Variants in TAFA2 observed in about 807,000 individuals in gnomAD.
TAFA2 encodes TAFA chemokine like family member 2, also known as chemokine-like protein TAFA-2.
A neutral mutation model predicts 18.8 loss-of-function variants in TAFA2; 7 were observed. The ratio of observed to expected loss-of-function variants is 0.37; its 90% CI spans 0.21 to 0.70. The LOEUF is 0.70. Among genes scored for constraint, TAFA2 ranks in the 30% least tolerant of loss-of-function variants. The pLI is 0.53. For synonymous variants in TAFA2, 60 were observed against 54.2 expected (o/e 1.11, Z -0.47); for missense variants, 122 against 158.1 (o/e 0.77, Z 1.23).
At chr12:61,994,441 C>G (rs942734342) in intron 1 of TAFA2, among the ~76,000 whole-genome samples, 1 of 152,302 alleles carries the variant, frequency 6.6e-6, no homozygotes, top group Middle Eastern at 3.4e-3. Flanking sequence ...CTCTCACCCT[C>G]TCCTGAGTAA....
intron 1 of TAFA2, among the ~76,000 whole-genome samples, chr12:62,156,255 A>C (rs764763712): frequency 5.3e-5 from 8 of 152,168 alleles, no homozygotes; most frequent in Non-Finnish European, 8.8e-5. Flanking sequence ...ATACCACCTT[A>C]CTCCTGCAAG....
chr12:62,042,428 T>TGTGTGTGTGC (rs1411586257), intron 1 of TAFA2, among the ~76,000 whole-genome samples: 420 of 74,430 alleles, frequency 5.6e-3, no homozygotes, highest in African/African-American at 0.018. Flanking sequence ...TGTGTGTGTG[T>TGTGTGTGTGC]GCGCGTGTGT....
chr12:61,896,635 C>G (rs1041384070), intron 1 of TAFA2, among the ~76,000 whole-genome samples: 1 of 152,160 alleles, frequency 6.6e-6, no homozygotes. Flanking sequence ...TTTGCCTGTA[C>G]CTTACATGTG....
intron 4 of TAFA2, among the ~76,000 whole-genome samples, chr12:61,739,107 C>A (rs1565757144): frequency 6.6e-6 from 1 of 152,042 alleles, no homozygotes. Flanking sequence ...TTATTGTCAT[C>A]ATCTCCCAGA....
chr12:62,073,120 G>T (rs11174295), intron 1 of TAFA2, among the ~76,000 whole-genome samples: 24,353 of 152,150 alleles, frequency 0.16, 2,140 homozygotes, highest in East Asian at 0.3. Flanking sequence ...CCAGTTTATA[G>T]TATCATGGAA....
At chr12:62,011,594 A>G (rs1243584110) in intron 1 of TAFA2, among the ~76,000 whole-genome samples, 2 of 152,108 alleles carry the variant, frequency 1.3e-5, no homozygotes, top group African/African-American at 4.8e-5. Flanking sequence ...TCAAGTACCC[A>G]GGGACACAAA....
chr12:62,028,451 G>C (rs1372414503), intron 1 of TAFA2, among the ~76,000 whole-genome samples: 1 of 152,092 alleles, frequency 6.6e-6, no homozygotes, highest in Non-Finnish European at 1.5e-5. Flanking sequence ...TTTCTCTAAG[G>C]CTCAAAGCAG....
chr12:62,051,663 G>T (rs1882057303), intron 1 of TAFA2, among the ~76,000 whole-genome samples: 2 of 151,674 alleles, frequency 1.3e-5, no homozygotes, highest in African/African-American at 4.8e-5. Flanking sequence ...CTGTCCATGA[G>T]GAGAGAGGCG....
intron 1 of TAFA2, among the ~76,000 whole-genome samples, chr12:61,937,137 CT>C (rs1428621874): frequency 6.6e-6 from 1 of 152,110 alleles, no homozygotes; most frequent in Non-Finnish European, 1.5e-5. Flanking sequence ...CTAAAAAACA[CT>C]GCTGAAAGAA....
intron 1 of TAFA2, among the ~76,000 whole-genome samples, chr12:61,887,787 G>A (rs982637482): frequency 6.6e-6 from 1 of 150,868 alleles, no homozygotes; most frequent in Non-Finnish European, 1.5e-5. Context: ...TGGCTGCATA[G>A]TATTCCATGG....
chr12:62,087,614 G>C (rs1188716565), intron 1 of TAFA2, among the ~76,000 whole-genome samples: 1 of 152,166 alleles, frequency 6.6e-6, no homozygotes, highest in Non-Finnish European at 1.5e-5. Flanking sequence ...TGGGAATGTA[G>C]ATAAGGGATG....
At chr12:61,722,133 G>A (rs1405382678) in intron 4 of TAFA2, among the ~76,000 whole-genome samples, 5 of 152,024 alleles carry the variant, frequency 3.3e-5, no homozygotes, top group South Asian at 2.1e-4. Context: ...TTTAGGCTCC[G>A]ACAATAGAGG....
intron 1 of TAFA2, among the ~76,000 whole-genome samples, chr12:62,181,196 A>G (rs2136951376): frequency 6.6e-6 from 1 of 152,144 alleles, no homozygotes; most frequent in East Asian, 1.9e-4. Context: ...GCACACACAC[A>G]TAATTAGAAA....
At chr12:61,997,316 C>T (rs1052553191) in intron 1 of TAFA2, among the ~76,000 whole-genome samples, 1 of 151,956 alleles carries the variant, frequency 6.6e-6, no homozygotes, top group African/African-American at 2.4e-5. Context: ...GAGCAAGGAT[C>T]TGAATAAAGT....
chr12:61,930,942 C>A (rs576781764), intron 1 of TAFA2, among the ~76,000 whole-genome samples: 2 of 152,332 alleles, frequency 1.3e-5, no homozygotes, highest in African/African-American at 4.8e-5. Context: ...GCCAACATCT[C>A]TATAAATACA....
chr12:62,058,974 G>A (rs1056441227), intron 1 of TAFA2, among the ~76,000 whole-genome samples: 1 of 152,080 alleles, frequency 6.6e-6, no homozygotes, highest in Non-Finnish European at 1.5e-5. Context: ...GTGGTGGCGG[G>A]CGCCTGTAGT....
intron 1 of TAFA2, among the ~76,000 whole-genome samples, chr12:61,916,498 A>G (rs1363856880): frequency 6.6e-6 from 1 of 152,186 alleles, no homozygotes; most frequent in Non-Finnish European, 1.5e-5. Flanking sequence ...TTTACTCTCC[A>G]TCGTTAATCT....
intron 1 of TAFA2, among the ~76,000 whole-genome samples, chr12:62,154,315 G>T (rs61920574): frequency 6.6e-6 from 1 of 152,172 alleles, no homozygotes; most frequent in Middle Eastern, 3.2e-3. Flanking sequence ...GGAAGCAGGA[G>T]AATAGGGGAG....
chr12:62,231,550 T>C (rs2062811935), intron 1 of TAFA2, among the ~76,000 whole-genome samples: 1 of 152,256 alleles, frequency 6.6e-6, no homozygotes, highest in Non-Finnish European at 1.5e-5. Context: ...ATCAGAGAAT[T>C]GAGTCTGTTT....
Sources: gnomAD v4.1 joint callset for allele counts (sites outside exome capture counted in the v4.1 genomes callset) on GRCh38, gnomAD v4.1.1 for gene constraint, MANE v1.5 for transcripts, NCBI Gene and HGNC (gene_info 2026-07-23, HGNC 2026-07-21) for gene names.